Variants in WWOX observed in about 807,000 individuals in gnomAD.
WWOX encodes the protein WW domain containing oxidoreductase.
In WWOX, 69 loss-of-function variants were observed where a neutral mutation model predicts 46.2. That is an observed-to-expected ratio of 1.49 (90% CI 1.23 to 1.82). The LOEUF is 1.82. WWOX is among the 40% of genes most tolerant of loss of function. The pLI is 0.00. For missense variants in WWOX, 919 were observed against 542.6 expected, an observed-to-expected ratio of 1.69 and a Z score of -6.89; for synonymous variants, 359 against 202.6, an observed-to-expected ratio of 1.77 and a Z score of -6.56.
intron 8 of WWOX, among the ~76,000 whole-genome samples, chr16:78,706,453 C>A (rs1420408716): frequency 6.6e-6 from 1 of 152,098 alleles, no homozygotes; most frequent in African/African-American, 2.4e-5. Flanking sequence ...TAATCAAGAG[C>A]TCCATCTCTG....
intron 5 of WWOX, among the ~76,000 whole-genome samples, chr16:78,384,615 T>C (rs1597139913): frequency 6.6e-6 from 1 of 152,234 alleles, no homozygotes; most frequent in South Asian, 2.1e-4. Flanking sequence ...TCTAGCTCTG[T>C]TATTTCCTGA....
chr16:78,217,442 C>T (rs1042687139), intron 5 of WWOX, among the ~76,000 whole-genome samples: 4 of 152,094 alleles, frequency 2.6e-5, no homozygotes, highest in African/African-American at 9.7e-5. Flanking sequence ...GAACAAAAAT[C>T]GAGGGTGCCA....
At chr16:78,104,932 G>A (rs913826654) in intron 1 of WWOX, among the ~76,000 whole-genome samples, 1 of 152,178 alleles carries the variant, frequency 6.6e-6, no homozygotes, top group Non-Finnish European at 1.5e-5. Flanking sequence ...TTCTTCAAGG[G>A]CAGAGTGGCT....
intron 5 of WWOX, among the ~76,000 whole-genome samples, chr16:78,182,999 A>G (rs900588454): frequency 2.4e-4 from 36 of 151,666 alleles, no homozygotes; most frequent in Non-Finnish European, 4.9e-4. Flanking sequence ...TTTTCCTCCC[A>G]AGAACTCATG....
intron 8 of WWOX, among the ~76,000 whole-genome samples, chr16:78,591,799 C>T (rs2045358444): frequency 6.6e-6 from 1 of 152,154 alleles, no homozygotes; most frequent in African/African-American, 2.4e-5. Flanking sequence ...TATTCTAGTG[C>T]AGTGGTAGCT....
chr16:78,248,252 G>A (rs547813384), intron 5 of WWOX, among the ~76,000 whole-genome samples: 1 of 152,256 alleles, frequency 6.6e-6, no homozygotes, highest in African/African-American at 2.4e-5. Flanking sequence ...AAAGGGGAAG[G>A]AAAGCATCTC....
chr16:78,450,921 G>A (rs1248066810), intron 8 of WWOX, among the ~76,000 whole-genome samples: 2 of 152,126 alleles, frequency 1.3e-5, no homozygotes, highest in Non-Finnish European at 2.9e-5. Context: ...ATTTTCTTCT[G>A]CTTTTTGTCC....
intron 8 of WWOX, chr16:79,205,119 C>T (rs2051465659): frequency 6.6e-6 from 1 of 152,184 alleles, no homozygotes; most frequent in Admixed American, 6.5e-5. Context: ...GAACAGAAGC[C>T]TGTGAGCACG....
chr16:78,613,692 A>C (rs1466882905), intron 8 of WWOX, among the ~76,000 whole-genome samples: 2 of 152,174 alleles, frequency 1.3e-5, no homozygotes, highest in Non-Finnish European at 2.9e-5. Context: ...CTAAGCAGTG[A>C]CTGGAGGAAG....
chr16:78,374,541 T>G (rs1377935050), intron 5 of WWOX, among the ~76,000 whole-genome samples: 5 of 15,288 alleles, frequency 3.3e-4, no homozygotes, highest in Non-Finnish European at 6.1e-4. Context: ...TTTTTTTTTT[T>G]TTTTTTTTTT....
intron 4 of WWOX, among the ~76,000 whole-genome samples, chr16:78,157,431 A>G (rs1862696): frequency 0.14 from 21,268 of 152,180 alleles, 1,598 homozygotes; most frequent in South Asian, 0.21. Context: ...ACAGGTAAAA[A>G]TGAGTAAATT....
chr16:78,380,422 G>A (rs559913277), intron 5 of WWOX, among the ~76,000 whole-genome samples: 2 of 152,250 alleles, frequency 1.3e-5, no homozygotes, highest in Admixed American at 1.3e-4. Flanking sequence ...ATGCTATAGG[G>A]ATAAATAACT....
At chr16:78,786,091 G>A (rs1035777397) in intron 8 of WWOX, among the ~76,000 whole-genome samples, 3 of 152,102 alleles carry the variant, frequency 2.0e-5, no homozygotes, top group South Asian at 2.1e-4. Context: ...TGAATTTTTA[G>A]TAGAGGCGAG....
chr16:78,321,327 CGTATATATGCGTATAT>C (rs2080468098), intron 5 of WWOX, among the ~76,000 whole-genome samples: 1 of 58,178 alleles, frequency 1.7e-5, no homozygotes, highest in African/African-American at 1.0e-4. Context: ...TATATATATA[CGTATATATGCGTATAT>C]ATATACGTAT....
At chr16:78,686,840 C>T (rs766176243) in intron 8 of WWOX, among the ~76,000 whole-genome samples, 6 of 152,170 alleles carry the variant, frequency 3.9e-5, no homozygotes, top group East Asian at 1.9e-4. Context: ...GCTTCGTTTT[C>T]GAAACTCACC....
intron 8 of WWOX, among the ~76,000 whole-genome samples, chr16:78,564,669 G>A (rs578057703): frequency 6.6e-6 from 1 of 151,860 alleles, no homozygotes; most frequent in East Asian, 1.9e-4. Flanking sequence ...CTGGCCACTC[G>A]GGAGCTCAAA....
intron 8 of WWOX, 106 bp from the exon 9 acceptor site, chr16:79,211,502 C>G: frequency 5.5e-6 from 8 of 1,452,170 alleles, no homozygotes; most frequent in Non-Finnish European, 7.6e-6. Flanking sequence ...CCAGCTGAAA[C>G]TGAACCAGGT....
intron 6 of WWOX, among the ~76,000 whole-genome samples, chr16:78,419,695 G>C (rs1188319388): frequency 7.3e-6 from 1 of 137,512 alleles, no homozygotes; most frequent in Non-Finnish European, 1.5e-5. Flanking sequence ...ACAACTCTTA[G>C]AAGCAAACAT....
chr16:78,366,654 G>T (rs955918678), intron 5 of WWOX, among the ~76,000 whole-genome samples: 1 of 152,146 alleles, frequency 6.6e-6, no homozygotes, highest in Non-Finnish European at 1.5e-5. Context: ...CTCGTCTGTT[G>T]CCACTTTTGC....
Sources: gnomAD v4.1 joint callset for allele counts (sites outside exome capture counted in the v4.1 genomes callset) on GRCh38, gnomAD v4.1.1 for gene constraint, MANE v1.5 for transcripts, NCBI Gene and HGNC (gene_info 2026-07-23, HGNC 2026-07-21) for gene names.